VSNL1: variants seen among roughly 807,000 people sequenced by gnomAD.
VSNL1 encodes the protein visinin-like protein 1.
In VSNL1, 6 loss-of-function variants were observed where a neutral mutation model predicts 20.4. The observed-to-expected ratio is 0.29, with a 90% CI of 0.16 to 0.58. The LOEUF (loss-of-function observed/expected upper bound fraction) is 0.58, where lower values mean the gene tolerates loss of function less well. VSNL1 is among the 20% of genes least tolerant of loss of function. The pLI, the probability that VSNL1 is intolerant of heterozygous loss-of-function variation, is 0.90. For missense variants in VSNL1, 100 were observed against 234.5 expected (o/e 0.43, Z 3.75); for synonymous variants, 93 against 86.4 (o/e 1.08, Z -0.42).
intron 2 of VSNL1, among the ~76,000 whole-genome samples, chr2:17,611,746 C>T (rs1434362027): frequency 1.3e-5 from 2 of 152,184 alleles, no homozygotes; most frequent in Admixed American, 1.3e-4. Flanking sequence ...CTCTGTAATC[C>T]CCACCCCATG....
At chr2:17,580,415 A>G (rs1664324077) in intron 1 of VSNL1, among the ~76,000 whole-genome samples, 1 of 152,220 alleles carries the variant, frequency 6.6e-6, no homozygotes, top group Non-Finnish European at 1.5e-5. Flanking sequence ...ACTGTTGACC[A>G]CAAAACCAGC....
At chr2:17,641,676 T>C (rs1665885525) in intron 2 of VSNL1, among the ~76,000 whole-genome samples, 1 of 152,190 alleles carries the variant, frequency 6.6e-6, no homozygotes, top group Non-Finnish European at 1.5e-5. Context: ...CTGTGACATT[T>C]CCAATGGAGA....
intron 1 of VSNL1, among the ~76,000 whole-genome samples, chr2:17,569,343 A>T (rs898915510): frequency 1.1e-4 from 17 of 151,514 alleles, no homozygotes; most frequent in East Asian, 3.9e-4. Flanking sequence ...TAAATTAAAT[A>T]AAATAAATTA....
At chr2:17,546,320 T>C (rs1248239435) in intron 1 of VSNL1, among the ~76,000 whole-genome samples, 1 of 152,028 alleles carries the variant, frequency 6.6e-6, no homozygotes, top group Non-Finnish European at 1.5e-5. Flanking sequence ...TTTTTAAGTA[T>C]ACTTTTTCCT....
At chr2:17,606,170 T>G (rs1664939949) in intron 2 of VSNL1, among the ~76,000 whole-genome samples, 2 of 152,228 alleles carry the variant, frequency 1.3e-5, no homozygotes, top group Admixed American at 6.5e-5. Flanking sequence ...GATGGAGATC[T>G]CAGGTGATCC....
intron 1 of VSNL1, among the ~76,000 whole-genome samples, chr2:17,546,412 G>T (rs5829597): frequency 2.0e-5 from 3 of 150,756 alleles, no homozygotes; most frequent in African/African-American, 4.9e-5. Flanking sequence ...ATAGTTTTTT[G>T]TTTTTTTTGG....
intron 1 of VSNL1, among the ~76,000 whole-genome samples, chr2:17,586,034 C>T (rs1471854965): frequency 6.6e-6 from 1 of 152,112 alleles, no homozygotes; most frequent in African/African-American, 2.4e-5. Context: ...GTCTCAAACT[C>T]CTGACCTCAG....
intron 1 of VSNL1, among the ~76,000 whole-genome samples, chr2:17,544,806 A>G (rs932482423): frequency 2.0e-5 from 3 of 152,228 alleles, no homozygotes; most frequent in East Asian, 3.8e-4. Flanking sequence ...GACAGTGTCC[A>G]TCTTCATTAT....
intron 1 of VSNL1, among the ~76,000 whole-genome samples, chr2:17,574,388 G>A (rs1212475585): frequency 6.6e-6 from 1 of 152,084 alleles, no homozygotes; most frequent in East Asian, 1.9e-4. Context: ...GCTCCTTTCT[G>A]CACCATGGTT....
At chr2:17,648,547 C>T (rs1304304729) in intron 2 of VSNL1, among the ~76,000 whole-genome samples, 1 of 152,232 alleles carries the variant, frequency 6.6e-6, no homozygotes, top group African/African-American at 2.4e-5. Context: ...ACATACGTAA[C>T]TTCTCTGCTT....
intron 1 of VSNL1, among the ~76,000 whole-genome samples, chr2:17,579,559 C>G (rs375481153): frequency 3.3e-5 from 5 of 152,190 alleles, no homozygotes; most frequent in Non-Finnish European, 5.9e-5. Flanking sequence ...CTGGCAAATT[C>G]GTTGAGGCAG....
chr2:17,614,613 C>T (rs1665172408), intron 2 of VSNL1, among the ~76,000 whole-genome samples: 1 of 152,214 alleles, frequency 6.6e-6, no homozygotes, highest in South Asian at 2.1e-4. Context: ...GCATTTATCC[C>T]CTCAGGGTCA....
chr2:17,598,415 C>G (rs1012292635), intron 2 of VSNL1, among the ~76,000 whole-genome samples: 1 of 152,196 alleles, frequency 6.6e-6, no homozygotes, highest in Non-Finnish European at 1.5e-5. Context: ...CAAACTGTAA[C>G]GCATCTCAGA....
intron 1 of VSNL1, among the ~76,000 whole-genome samples, chr2:17,549,752 T>G (rs1284155231): frequency 6.6e-6 from 1 of 152,246 alleles, no homozygotes; most frequent in Non-Finnish European, 1.5e-5. Flanking sequence ...GGTCCTGTGG[T>G]AAAGACCACT....
intron 2 of VSNL1, among the ~76,000 whole-genome samples, chr2:17,592,520 A>T (rs939042556): frequency 6.6e-6 from 1 of 151,806 alleles, no homozygotes; most frequent in African/African-American, 2.4e-5. Flanking sequence ...CTCAGAGAAG[A>T]GTGTTTGCTG....
chr2:17,648,236 AT>A (rs2103428935), intron 2 of VSNL1, among the ~76,000 whole-genome samples: 1 of 152,284 alleles, frequency 6.6e-6, no homozygotes, highest in South Asian at 2.1e-4. Flanking sequence ...AGCATATCTT[AT>A]GTCTGGAGGG....
intron 2 of VSNL1, among the ~76,000 whole-genome samples, chr2:17,615,300 T>G (rs776007185): frequency 5.3e-5 from 8 of 152,214 alleles, no homozygotes; most frequent in Non-Finnish European, 1.0e-4. Context: ...TTTTTGTCAC[T>G]TAAAGTTTTC....
chr2:17,589,946 G>A (rs1333788391), intron 1 of VSNL1, among the ~76,000 whole-genome samples: 4 of 141,716 alleles, frequency 2.8e-5, no homozygotes, highest in African/African-American at 7.6e-5. Flanking sequence ...CCCTGCTTTC[G>A]CTCTTCCTGT....
intron 1 of VSNL1, among the ~76,000 whole-genome samples, chr2:17,573,617 A>C (rs575755413): frequency 4.6e-5 from 7 of 152,188 alleles, no homozygotes; most frequent in Admixed American, 6.5e-5. Context: ...CAAACTCATG[A>C]CGCTTTGCTG....
Sources: gnomAD v4.1 joint callset for allele counts (sites outside exome capture counted in the v4.1 genomes callset) on GRCh38, gnomAD v4.1.1 for gene constraint, MANE v1.5 for transcripts, NCBI Gene and HGNC (gene_info 2026-07-23, HGNC 2026-07-21) for gene names.